Variants in ITSN2 observed in about 807,000 individuals in gnomAD.
The protein encoded by ITSN2 is intersectin 2.
A neutral mutation model predicts 243.7 loss-of-function variants in ITSN2; 156 were observed. The ratio of observed to expected loss-of-function variants is 0.64; its 90% CI spans 0.56 to 0.73. The LOEUF (loss-of-function observed/expected upper bound fraction) is 0.73. ITSN2 is among the 30% of genes least tolerant of loss of function. The probability of loss-of-function intolerance (pLI) is 0.00; values close to 1 mark genes in which losing one functional copy is unlikely to be tolerated. For missense variants in ITSN2, 1,801 were observed against 1,996.1 expected (o/e 0.90, Z 1.86); for synonymous variants, 703 against 699.9 (o/e 1.00, Z -0.07).
chr2:24,249,389 A>C lies in ITSN2; in HGVS notation c.3121-507T>G. Among the ~76,000 whole-genome samples the C allele has an allele frequency of 6.6e-6, 1 of 152,196 alleles. No individual in the cohort carries two copies. Among genetic ancestry groups the C allele is most frequent in the East Asian group, 1.9e-4 (1 of 5,200 alleles). ...CAAACTGACTGAATCTGACCTAAGA[A>C]CAAAAAATCCCTATCCTGTGTAGCA... On this transcript the variant is annotated intron_variant, in intron 25 of 39. Transcript: ENST00000355123. This position sits in a 1 kb window ranked among gnomAD's most constrained non-coding sequence, Gnocchi z 4.4.
chr2:24,310,768 T>A, intron 5 of ITSN2, 76 bp from the exon 6 acceptor site: 1 of 1,152,122 alleles, frequency 8.7e-7, no homozygotes, highest in Non-Finnish European at 1.3e-6. Flanking sequence ...AAGTTTACAG[T>A]ACAGTGGGCA....
intron 1 of ITSN2, among the ~76,000 whole-genome samples, chr2:24,332,037 A>C (rs1453299348): frequency 6.6e-6 from 1 of 152,226 alleles, no homozygotes; most frequent in Non-Finnish European, 1.5e-5. Flanking sequence ...TGAAGTCAGG[A>C]GTTCAAGACC....
chr2:24,299,780 G>T, intron 12 of ITSN2, 129 bp downstream of exon 12: 2 of 747,652 alleles, frequency 2.7e-6, no homozygotes, highest in African/African-American at 1.8e-5. Context: ...TTTGTATAGG[G>T]TAAGAATGAA....
intron 20 of ITSN2, 78 bp from the exon 21 acceptor site, chr2:24,261,820 T>C (rs1283988828): frequency 1.1e-5 from 12 of 1,063,244 alleles, no homozygotes; most frequent in Non-Finnish European, 1.6e-5. Context: ...AACTATTGTA[T>C]AGTATTCTCA....
At position 24,204,730 on chromosome 2, in the gene ITSN2, G is replaced by A. The variant is rs1406331486; in HGVS notation, c.4763-312C>T. Reference sequence around the variant, plus strand: ...TCGGCGCAGACACACTCGGGAAGGCGGGCACTGGCACTTACTGGGAAAACA... The same window carrying A: ...TCGGCGCAGACACACTCGGGAAGGCAGGCACTGGCACTTACTGGGAAAACA... On this transcript the variant is annotated intron_variant, in intron 38 of 39. Coordinates refer to ENST00000355123, the MANE Select transcript of ITSN2 (RefSeq NM_006277.3). This position sits in a 1 kb window ranked among gnomAD's most constrained non-coding sequence, Gnocchi z 5.1. 9.3e-6 allele frequency: 5 copies of A among 538,664 alleles called. No homozygotes were observed. The highest frequency in any genetic ancestry group is 1.9e-5 in the African/African-American group (1 of 53,240). The allele number at this position is 538,664 out of a possible 1,614,324, so 33.4% of individuals were successfully genotyped here. A position where few individuals can be genotyped will look rare whatever the true frequency, so the allele number is the denominator to read the frequency against.
At chr2:24,241,117 C>T (rs1182857757) in intron 29 of ITSN2, 2 of 151,978 alleles carry the variant, frequency 1.3e-5, no homozygotes, top group East Asian at 3.9e-4. Flanking sequence ...GACTAGAGCC[C>T]ACATGTCTGT....
At position 24,204,660 on chromosome 2, in the gene ITSN2, G is replaced by A. The variant is rs929536584; in HGVS notation, c.4763-242C>T. The A allele has an allele frequency of 2.6e-5, 16 of 620,292 alleles. No individual in the cohort carries two copies. Among genetic ancestry groups the A allele is most frequent in the African/African-American group, 1.1e-4 (6 of 55,502 alleles). The allele number at this position is 620,292 out of a possible 1,614,324, so 38.4% of individuals were successfully genotyped here. On this transcript the variant is annotated intron_variant, in intron 38 of 39. Coordinates refer to ENST00000355123, the MANE Select transcript of ITSN2 (RefSeq NM_006277.3). This position sits in a 1 kb window ranked among gnomAD's most constrained non-coding sequence, Gnocchi z 5.1. ...CTCCACCGCCAGGACCACTCCGCAC[G>A]GAACAATCCTGGGTGAGTGTCACTG...
At chr2:24,250,844 TCAC>T (rs1673995958) in intron 25 of ITSN2, among the ~76,000 whole-genome samples, 1 of 152,046 alleles carries the variant, frequency 6.6e-6, no homozygotes, top group Non-Finnish European at 1.5e-5. Flanking sequence ...AAAAAAAATG[TCAC>T]CGACTGAATA....
chr2:24,226,523 G>A (rs562233095), intron 29 of ITSN2, among the ~76,000 whole-genome samples: 10 of 152,350 alleles, frequency 6.6e-5, no homozygotes, highest in African/African-American at 2.4e-4. Context: ...AGGTATGGTG[G>A]CTCACACCTG....
chr2:24,213,495 C>T (rs1203368025), intron 32 of ITSN2, among the ~76,000 whole-genome samples: 1 of 152,182 alleles, frequency 6.6e-6, no homozygotes, highest in Non-Finnish European at 1.5e-5. Context: ...AATTGCCCCC[C>T]TTTTGTTTTG....
intron 29 of ITSN2, among the ~76,000 whole-genome samples, chr2:24,244,608 C>T (rs1287082185): frequency 6.6e-6 from 1 of 152,160 alleles, no homozygotes; most frequent in African/African-American, 2.4e-5. Context: ...TTTCCATTCT[C>T]AACACCAAGA....
At chr2:24,359,354 G>A (rs1688740381) in intron 1 of ITSN2, among the ~76,000 whole-genome samples, 1 of 152,214 alleles carries the variant, frequency 6.6e-6, no homozygotes, top group Non-Finnish European at 1.5e-5. Flanking sequence ...TTCTGAGTAA[G>A]CAAGCAAACA....
chr2:24,209,227 A>T lies in ITSN2; in HGVS notation c.4474-6T>A. On this transcript the variant is annotated splice_region_variant and splice_polypyrimidine_tract_variant and intron_variant, in intron 35 of 39. Coordinates refer to ENST00000355123, the MANE Select transcript of ITSN2 (RefSeq NM_006277.3). ...ACTTCATTCAGGAAAATGGGCTGAA[A>T]GAATTAGGGCCAAAACACAGGCTGT... 1 of 1,613,994 alleles carries T rather than the reference A, an allele frequency of 6.2e-7. No individual in the cohort carries two copies. The highest frequency in any genetic ancestry group is 8.5e-7 in the Non-Finnish European group (1 of 1,179,904).
chr2:24,244,036 T>A (rs1030163916), intron 29 of ITSN2, among the ~76,000 whole-genome samples: 1 of 152,196 alleles, frequency 6.6e-6, no homozygotes, highest in Non-Finnish European at 1.5e-5. Flanking sequence ...ACAGGCAGAC[T>A]AAGGCTCTGC....
intron 1 of ITSN2, among the ~76,000 whole-genome samples, chr2:24,328,347 T>C (rs1015194335): frequency 9.2e-5 from 14 of 152,110 alleles, no homozygotes; most frequent in South Asian, 2.1e-4. Context: ...TATTTAATAG[T>C]AGATACTGAA....
At chr2:24,302,123 C>T in intron 9 of ITSN2, 21 bp from the exon 10 acceptor site, 1 of 1,575,572 alleles carries the variant, frequency 6.3e-7, no homozygotes, top group Non-Finnish European at 8.6e-7. Flanking sequence ...TGTTAAAATT[C>T]ACAACTTAAT....
chr2:24,232,070 C>G (rs753939801), intron 29 of ITSN2, among the ~76,000 whole-genome samples: 3 of 152,070 alleles, frequency 2.0e-5, no homozygotes, highest in Admixed American at 2.0e-4. Context: ...TATTGAGTAC[C>G]GGGTAGCATG....
intron 1 of ITSN2, among the ~76,000 whole-genome samples, chr2:24,333,178 CT>C (rs1164780018): frequency 6.6e-6 from 1 of 152,172 alleles, no homozygotes; most frequent in Non-Finnish European, 1.5e-5. Context: ...TTCCCATGGG[CT>C]TTATCTGCCT....
intron 21 of ITSN2, 64 bp from the exon 22 acceptor site, chr2:24,261,314 A>G: frequency 1.6e-6 from 2 of 1,220,742 alleles, no homozygotes; most frequent in African/African-American, 1.5e-5. Flanking sequence ...AGTACTACCA[A>G]TTTATCAACT....
Sources: gnomAD v4.1 joint callset for allele counts (sites outside exome capture counted in the v4.1 genomes callset) on GRCh38, gnomAD v4.1.1 for gene constraint, Gnocchi (gnomAD v3.1) non-coding constraint, MANE v1.5 for transcripts, NCBI Gene and HGNC (gene_info 2026-07-23, HGNC 2026-07-21) for gene names.